Variants in GLT8D2 observed in about 807,000 individuals in gnomAD.
The protein encoded by GLT8D2 is glycosyltransferase 8 domain containing 2.
A neutral mutation model predicts 44.5 loss-of-function variants in GLT8D2; 45 were observed. That is an observed-to-expected ratio of 1.01 (90% CI 0.80 to 1.30). The LOEUF (loss-of-function observed/expected upper bound fraction) is 1.30, where lower values mean the gene tolerates loss of function less well. GLT8D2 is among the 50% of genes most tolerant of loss of function. The pLI, the probability that GLT8D2 is intolerant of heterozygous loss-of-function variation, is 0.00. For missense variants in GLT8D2, 400 were observed against 430.4 expected (o/e 0.93, Z 0.62); for synonymous variants, 156 against 157.2 (o/e 0.99, Z 0.06).
At chr12:104,022,066 GAAA>G (rs1877957885) in intron 1 of GLT8D2, among the ~76,000 whole-genome samples, 1 of 103,638 alleles carries the variant, frequency 9.6e-6, no homozygotes, top group Non-Finnish European at 2.1e-5. Context: ...GGGAAAGAAA[GAAA>G]GAAAGAAAAA....
At chr12:104,045,892 TAAGAAAGA>T (rs34932758) in intron 1 of GLT8D2, among the ~76,000 whole-genome samples, 5,260 of 112,072 alleles carry the variant, frequency 0.047, 189 homozygotes, top group Admixed American at 0.12. Flanking sequence ...AAAAGAAAGA[TAAGAAAGA>T]AAGAAAGAAA....
At chr12:104,025,195 G>T (rs1238171170) in intron 1 of GLT8D2, among the ~76,000 whole-genome samples, 3 of 151,190 alleles carry the variant, frequency 2.0e-5, no homozygotes, top group African/African-American at 7.3e-5. Context: ...TTTTGATGAT[G>T]TCAAATTCAT....
At chr12:104,020,220 C>T (rs1877453893) in intron 2 of GLT8D2, among the ~76,000 whole-genome samples, 1 of 152,088 alleles carries the variant, frequency 6.6e-6, no homozygotes, top group Non-Finnish European at 1.5e-5. Context: ...CAGTGCCCAG[C>T]CCAGAATTTT....
chr12:104,012,170 C>CAAA (rs10571369), intron 4 of GLT8D2, among the ~76,000 whole-genome samples: 1 of 83,252 alleles, frequency 1.2e-5, no homozygotes, highest in Non-Finnish European at 2.2e-5. Flanking sequence ...AACTCTGTCT[C>CAAA]AAAAAAAAAA....
At chr12:104,015,532 G>A (rs796540533) in intron 3 of GLT8D2, among the ~76,000 whole-genome samples, 54 of 152,082 alleles carry the variant, frequency 3.6e-4, no homozygotes, top group African/African-American at 1.3e-3. Flanking sequence ...AGGCTGCAGT[G>A]AGCCAAAATT....
intron 1 of GLT8D2, among the ~76,000 whole-genome samples, chr12:104,040,289 G>A (rs962695613): frequency 2.0e-5 from 3 of 151,974 alleles, no homozygotes; most frequent in African/African-American, 7.3e-5. Context: ...AGAACTTAAA[G>A]TATAATAATA....
chr12:104,044,870 C>T (rs1880919863), intron 1 of GLT8D2, among the ~76,000 whole-genome samples: 2 of 152,196 alleles, frequency 1.3e-5, no homozygotes, highest in Admixed American at 6.5e-5. Flanking sequence ...AGAATAAATA[C>T]TCATATACCT....
chr12:104,035,061 T>A (rs1448014877), intron 1 of GLT8D2, among the ~76,000 whole-genome samples: 1 of 152,216 alleles, frequency 6.6e-6, no homozygotes, highest in African/African-American at 2.4e-5. Flanking sequence ...CCAACAGACC[T>A]ACAGCTAAGG....
intron 1 of GLT8D2, among the ~76,000 whole-genome samples, chr12:104,022,020 GAAA>G (rs3037228): frequency 0.28 from 9,028 of 32,696 alleles, 2,625 homozygotes; most frequent in African/African-American, 0.37. Context: ...AGAAGAAGAA[GAAA>G]AAGAAGAAGA....
At chr12:103,999,325 T>C (rs1244944919) in intron 6 of GLT8D2, 72 bp downstream of exon 6, 12 of 778,648 alleles carry the variant, frequency 1.5e-5, no homozygotes, top group Non-Finnish European at 2.4e-5. Flanking sequence ...TGCATCCCGG[T>C]GACTAGCACT....
chr12:104,043,809 G>A (rs1269959137), intron 1 of GLT8D2, among the ~76,000 whole-genome samples: 3 of 152,126 alleles, frequency 2.0e-5, no homozygotes, highest in Non-Finnish European at 4.4e-5. Flanking sequence ...AATCAGCTTG[G>A]TGTTTCCTTA....
intron 1 of GLT8D2, among the ~76,000 whole-genome samples, chr12:104,042,713 A>G (rs1880687449): frequency 6.6e-6 from 1 of 152,214 alleles, no homozygotes; most frequent in Non-Finnish European, 1.5e-5. Flanking sequence ...CACTGAAAGA[A>G]GAATTGTCTT....
At chr12:104,012,723 G>C (rs889241224) in intron 4 of GLT8D2, 5 of 667,282 alleles carry the variant, frequency 7.5e-6, no homozygotes, top group Non-Finnish European at 1.4e-5. Flanking sequence ...TAACGTCTTA[G>C]CTTCCAGCAT....
chr12:104,038,378 T>C (rs1465021494), intron 1 of GLT8D2, among the ~76,000 whole-genome samples: 2 of 152,218 alleles, frequency 1.3e-5, no homozygotes, highest in Admixed American at 1.3e-4. Flanking sequence ...GATGACATGA[T>C]TGTGCATTTA....
intron 1 of GLT8D2, among the ~76,000 whole-genome samples, chr12:104,021,990 GAAGAA>G (rs1877889024): frequency 2.0e-5 from 1 of 48,850 alleles, no homozygotes; most frequent in African/African-American, 1.1e-4. Context: ...AGAGGAAGAA[GAAGAA>G]GAAGAAGAAG....
intron 5 of GLT8D2, among the ~76,000 whole-genome samples, chr12:104,002,660 G>C (rs3900116): frequency 6.6e-6 from 1 of 152,082 alleles, no homozygotes; most frequent in South Asian, 2.1e-4. Flanking sequence ...TAAGAAAGTA[G>C]AGGCCAGGTG....
At chr12:104,000,108 T>C (rs1477908570) in intron 5 of GLT8D2, among the ~76,000 whole-genome samples, 1 of 152,178 alleles carries the variant, frequency 6.6e-6, no homozygotes, top group Non-Finnish European at 1.5e-5. Context: ...AGGTTCTTGG[T>C]AGAAATAATC....
At chr12:104,024,962 C>T (rs1593553588) in intron 1 of GLT8D2, among the ~76,000 whole-genome samples, 1 of 146,416 alleles carries the variant, frequency 6.8e-6, no homozygotes, top group South Asian at 2.2e-4. Flanking sequence ...CCCAGCTACT[C>T]GGGAGGCTGA....
chr12:104,054,788 C>T (rs1354538168), upstream of GLT8D2, among the ~76,000 whole-genome samples: 2 of 152,012 alleles, frequency 1.3e-5, no homozygotes, highest in African/African-American at 4.8e-5. Flanking sequence ...AAAATCCAAC[C>T]TTGAAGCTTG....
Sources: gnomAD v4.1 joint callset for allele counts (sites outside exome capture counted in the v4.1 genomes callset) on GRCh38, gnomAD v4.1.1 for gene constraint, MANE v1.5 for transcripts, NCBI Gene and HGNC (gene_info 2026-07-23, HGNC 2026-07-21) for gene names.